FSTL5: variants seen among roughly 807,000 people sequenced by gnomAD.
FSTL5 encodes follistatin-related protein 5.
In FSTL5, 62 loss-of-function variants were observed where a neutral mutation model predicts 89.1. The observed-to-expected ratio is 0.70, with a 90% CI of 0.57 to 0.86. FSTL5 has a LOEUF of 0.86. FSTL5 is among the 40% of genes least tolerant of loss of function. The probability of loss-of-function intolerance (pLI) is 0.00; values close to 1 mark genes in which losing one functional copy is unlikely to be tolerated. For missense variants in FSTL5, 1,057 were observed against 1,001.6 expected, an observed-to-expected ratio of 1.06 and a Z score of -0.75; for synonymous variants, 383 against 346.2, an observed-to-expected ratio of 1.11 and a Z score of -1.18.
At chr4:162,149,936 A>G (rs1733160877) in intron 1 of FSTL5, among the ~76,000 whole-genome samples, 1 of 152,156 alleles carries the variant, frequency 6.6e-6, no homozygotes, top group South Asian at 2.1e-4. Context: ...GTCTTGAATG[A>G]AAAACAGATA....
chr4:161,909,355 C>A (rs533342151), intron 4 of FSTL5, among the ~76,000 whole-genome samples: 2 of 152,032 alleles, frequency 1.3e-5, no homozygotes, highest in Non-Finnish European at 2.9e-5. Flanking sequence ...AAAAATAAAA[C>A]TCCTGGTTAA....
chr4:161,521,882 A>T (rs978935859), intron 10 of FSTL5, among the ~76,000 whole-genome samples: 1 of 150,778 alleles, frequency 6.6e-6, no homozygotes, highest in African/African-American at 2.4e-5. Flanking sequence ...AAAGAAAAAA[A>T]GGTTATGAAT....
intron 8 of FSTL5, among the ~76,000 whole-genome samples, chr4:161,559,338 CTT>C (rs1314525003): frequency 1.3e-5 from 2 of 151,696 alleles, no homozygotes; most frequent in Admixed American, 1.3e-4. Flanking sequence ...CATCCTCCTC[CTT>C]GTTCTTTCTT....
chr4:161,855,016 T>TC (rs1328763620), intron 4 of FSTL5, among the ~76,000 whole-genome samples: 1 of 15,380 alleles, frequency 6.5e-5, no homozygotes, highest in African/African-American at 1.8e-4. Flanking sequence ...TTTTTTTTTT[T>TC]TTTTTTTGCT....
intron 8 of FSTL5, among the ~76,000 whole-genome samples, chr4:161,582,293 T>G (rs1032571076): frequency 2.0e-5 from 3 of 152,338 alleles, no homozygotes; most frequent in African/African-American, 7.2e-5. Context: ...TTTCTAAAGT[T>G]CTTTTTAACT....
rs561262433 is a variant in FSTL5 at position 161,764,665 on chromosome 4, A to G, written c.607-5134T>C. ...AAAAAAATCAATATAGCCAACTTTA[A>G]TTTTTTTGAAAGACCAGTTGAAGAG... On this transcript the variant is annotated intron_variant, in intron 5 of 15. Coordinates refer to ENST00000306100, the MANE Select transcript of FSTL5 (RefSeq NM_020116.5). 7.2e-5 allele frequency among the ~76,000 whole-genome samples: 11 copies of G among 152,248 alleles called. No homozygotes were observed. The South Asian group carries it at 1.9e-3, about 26-fold the overall frequency.
intron 13 of FSTL5, among the ~76,000 whole-genome samples, chr4:161,462,074 T>C (rs1470294683): frequency 6.6e-6 from 1 of 152,204 alleles, no homozygotes; most frequent in African/African-American, 2.4e-5. Context: ...ACCAGGCCTT[T>C]CATAAGTATT....
rs116706445 is a variant in FSTL5, at chr4:161,913,347, T to C, written c.409+7057A>G. Among the ~76,000 whole-genome samples the C allele has an allele frequency of 6.0e-4, 92 of 152,094 alleles. 1 individual carries two copies. The highest frequency in any genetic ancestry group is 1.1e-3 in the Non-Finnish European group (73 of 67,992). On this transcript the variant is annotated intron_variant, in intron 4 of 15. Transcript: ENST00000306100. ...TGGTAGGCTGGGTCCAGGGTCACTGTGTTGTGTGCAGCCTAGGGACTTGGT... is the reference window on the plus strand; with the variant it reads ...TGGTAGGCTGGGTCCAGGGTCACTGCGTTGTGTGCAGCCTAGGGACTTGGT...
intron 3 of FSTL5, among the ~76,000 whole-genome samples, chr4:161,975,746 AG>A (rs1223303902): frequency 7.4e-6 from 1 of 135,726 alleles, no homozygotes; most frequent in Non-Finnish European, 1.6e-5. Flanking sequence ...TAAAACTTAA[AG>A]TATAATAAAA....
Position 161,580,651 on chromosome 4 carries a change from C to T in FSTL5, c.1015+6804G>A, listed in dbSNP as rs115130427. Among the ~76,000 whole-genome samples the T allele has an allele frequency of 8.9e-3, 1,353 of 152,254 alleles. 20 individuals are homozygous for T. Among genetic ancestry groups the T allele is most frequent in the African/African-American group, 0.031 (1,270 of 41,552 alleles). On this transcript the variant is annotated intron_variant, in intron 8 of 15. Transcript: ENST00000306100. Reference sequence around the variant, plus strand: ...ATTGAGTGAGTGGGTAGCTGTGCTTCTTACCCACTGATTTGTGTCCCTCAT... The same window carrying T: ...ATTGAGTGAGTGGGTAGCTGTGCTTTTTACCCACTGATTTGTGTCCCTCAT...
chr4:162,101,833 A>G (rs1340855627), intron 2 of FSTL5, among the ~76,000 whole-genome samples: 2 of 152,206 alleles, frequency 1.3e-5, no homozygotes, highest in East Asian at 3.9e-4. Flanking sequence ...AATTTTTAAT[A>G]ATAAAACATG....
chr4:161,472,807 C>T (rs1159865831), intron 13 of FSTL5, among the ~76,000 whole-genome samples: 1 of 151,636 alleles, frequency 6.6e-6, no homozygotes, highest in Non-Finnish European at 1.5e-5. Flanking sequence ...TCACTGCAAC[C>T]TCTGCCTCCT....
intron 5 of FSTL5, among the ~76,000 whole-genome samples, chr4:161,773,548 A>G (rs1741285414): frequency 6.6e-6 from 1 of 152,210 alleles, no homozygotes; most frequent in Non-Finnish European, 1.5e-5. Context: ...ATTAATAGAC[A>G]ATTCTCAAAA....
intron 12 of FSTL5, among the ~76,000 whole-genome samples, chr4:161,485,878 C>T (rs1729660493): frequency 6.6e-6 from 1 of 152,124 alleles, no homozygotes; most frequent in Admixed American, 6.6e-5. Context: ...CAGCTTACAC[C>T]TGTAATCACA....
chr4:161,507,367 T>C (rs116281462), intron 11 of FSTL5, among the ~76,000 whole-genome samples: 4,900 of 151,798 alleles, frequency 0.032, 259 homozygotes, highest in African/African-American at 0.11. Context: ...ATACTGAATA[T>C]TTTAATGTGT....
chr4:161,621,827 C>CAAA (rs58143952), intron 7 of FSTL5, among the ~76,000 whole-genome samples: 15 of 90,374 alleles, frequency 1.7e-4, no homozygotes, highest in African/African-American at 4.7e-4. Context: ...TCTAAAAATA[C>CAAA]AAAAAAAAAA....
chr4:161,779,032 T>C (rs546781042), intron 4 of FSTL5, among the ~76,000 whole-genome samples: 51 of 152,278 alleles, frequency 3.3e-4, no homozygotes, highest in Non-Finnish European at 6.3e-4. Context: ...CCAATGGCAT[T>C]GGGGAGATCT....
intron 3 of FSTL5, among the ~76,000 whole-genome samples, chr4:162,023,582 C>A (rs564029017): frequency 6.6e-6 from 1 of 152,216 alleles, no homozygotes; most frequent in African/African-American, 2.4e-5. Context: ...CATACCCAAT[C>A]CCTAGTTGCT....
At chr4:161,749,580 G>A (rs1397990991) in intron 6 of FSTL5, among the ~76,000 whole-genome samples, 2 of 151,944 alleles carry the variant, frequency 1.3e-5, no homozygotes, top group African/African-American at 2.4e-5. Flanking sequence ...GGCGGATCCC[G>A]AGGTCAGGAG....
Sources: allele counts gnomAD v4.1 joint callset (sites outside exome capture counted in the v4.1 genomes callset), GRCh38; gene constraint gnomAD v4.1.1; transcripts MANE v1.5; gene names NCBI Gene and HGNC (gene_info 2026-07-23, HGNC 2026-07-21).